The following TGFA variants were observed in gnomAD, a reference collection of about 807,000 sequenced individuals.
TGFA encodes the protein transforming growth factor alpha.
In TGFA, 12 loss-of-function variants were observed where a neutral mutation model predicts 21.7. That is an observed-to-expected ratio of 0.55 (90% CI 0.35 to 0.90). The LOEUF (loss-of-function observed/expected upper bound fraction) is 0.90. Ranked by LOEUF, TGFA falls within the 40% of genes least tolerant of loss-of-function variation. TGFA has a pLI of 0.01. For missense variants in TGFA, 178 were observed against 210.8 expected (o/e 0.84, Z 0.96); for synonymous variants, 79 against 88.1 (o/e 0.90, Z 0.58).
At chr2:70,528,277 T>C (rs1160294770) in intron 1 of TGFA, among the ~76,000 whole-genome samples, 1 of 152,228 alleles carries the variant, frequency 6.6e-6, no homozygotes, top group Non-Finnish European at 1.5e-5. Context: ...ACTACACCAA[T>C]ATCACATGTT....
chr2:70,472,106 TAG>T (rs1670769472), intron 2 of TGFA, among the ~76,000 whole-genome samples: 1 of 152,082 alleles, frequency 6.6e-6, no homozygotes, highest in Admixed American at 6.6e-5. Flanking sequence ...AGGAAAGGCC[TAG>T]AGACTTAAAA....
At chr2:70,516,864 C>T (rs1411918964) in intron 1 of TGFA, among the ~76,000 whole-genome samples, 1 of 136,848 alleles carries the variant, frequency 7.3e-6, no homozygotes, top group Non-Finnish European at 1.5e-5. Flanking sequence ...ACTTGCCTGT[C>T]ACAAACTGCC....
intron 2 of TGFA, among the ~76,000 whole-genome samples, chr2:70,501,272 T>C (rs1395558729): frequency 1.4e-5 from 2 of 147,954 alleles, no homozygotes; most frequent in Non-Finnish European, 1.5e-5. Context: ...TTTTTTTTTT[T>C]CTCCTCCAGG....
At chr2:70,465,158 T>C (rs1670515026) in intron 3 of TGFA, among the ~76,000 whole-genome samples, 1 of 152,214 alleles carries the variant, frequency 6.6e-6, no homozygotes, top group Admixed American at 6.5e-5. Context: ...TTATGTACAC[T>C]AGCCCTTCAC....
In TGFA at chr2:70,521,609, G is replaced by GTTTTTTTTTTTTTTTTTTTTTTT. The variant is rs797022948; in HGVS notation, c.41-6698_41-6697insAAAAAAAAAAAAAAAAAAAAAAA. On this transcript the variant is annotated intron_variant, in intron 1 of 5. Transcript: ENST00000295400. ...ACTATTGATAGTTTTTTTTGTTGTT[G>GTTTTTTTTTTTTTTTTTTTTTTT]TTTGTTTGTTTTTTTTTTTTTTTTT... Among the ~76,000 whole-genome samples, 38 of 78,872 alleles carry GTTTTTTTTTTTTTTTTTTTTTTT rather than the reference G, an allele frequency of 4.8e-4. 3 individuals are homozygous for GTTTTTTTTTTTTTTTTTTTTTTT. Among genetic ancestry groups the GTTTTTTTTTTTTTTTTTTTTTTT allele is most frequent in the South Asian group, 9.7e-4 (2 of 2,070 alleles). 51.7% of individuals were successfully genotyped at this position (78,872 alleles called of 152,430 possible).
intron 2 of TGFA, among the ~76,000 whole-genome samples, chr2:70,512,365 C>A (rs577624776): frequency 6.6e-6 from 1 of 152,262 alleles, no homozygotes; most frequent in African/African-American, 2.4e-5. Context: ...GCAGCCACCT[C>A]CCTCCTCTGC....
intron 1 of TGFA, among the ~76,000 whole-genome samples, chr2:70,540,003 C>G (rs1673090728): frequency 6.6e-6 from 1 of 152,148 alleles, no homozygotes; most frequent in Non-Finnish European, 1.5e-5. Flanking sequence ...TGCCTCATGA[C>G]CCGGCCCAAT....
In TGFA at chr2:70,465,865, A is replaced by C. The variant is rs1670542748; in HGVS notation, c.95-129T>G. ...GACTTTGGGTTCTCACCTGGGGCACACCCTCCTCAGCTCTCACTTACTTTC... is the reference window on the plus strand; with the variant it reads ...GACTTTGGGTTCTCACCTGGGGCACCCCCTCCTCAGCTCTCACTTACTTTC... On this transcript the variant is annotated intron_variant, in intron 2 of 5. Coordinates refer to ENST00000295400, the MANE Select transcript of TGFA (RefSeq NM_003236.4). 3 of 1,329,656 alleles carry C rather than the reference A, an allele frequency of 2.3e-6. No homozygotes were observed. The Admixed American group carries it at 6.9e-5, about 31-fold the overall frequency. The allele number at this position is 1,329,656 out of a possible 1,614,324, so 82.4% of individuals were successfully genotyped here. A position where few individuals can be genotyped will look rare whatever the true frequency, so the allele number is the denominator to read the frequency against.
rs948329720 is a variant in TGFA, at chr2:70,483,192, A to G, written c.95-17456T>C. Among the ~76,000 whole-genome samples, 38 of 152,226 alleles carry G rather than the reference A, an allele frequency of 2.5e-4. 1 individual carries two copies. Among genetic ancestry groups the G allele is most frequent in the Admixed American group, 2.1e-3 (32 of 15,284 alleles). On this transcript the variant is annotated intron_variant, in intron 2 of 5. Coordinates refer to ENST00000295400, the MANE Select transcript of TGFA (RefSeq NM_003236.4). Reference sequence around the variant, plus strand: ...GCATTTCCCTCATCAGTCTTACAACACTAAAAAAGAAGTAAAGTTAATCTG... The same window carrying G: ...GCATTTCCCTCATCAGTCTTACAACGCTAAAAAAGAAGTAAAGTTAATCTG...
At chr2:70,466,838 A>G (rs543953347) in intron 2 of TGFA, among the ~76,000 whole-genome samples, 17 of 152,316 alleles carry the variant, frequency 1.1e-4, no homozygotes, top group African/African-American at 3.8e-4. Context: ...TACACCATGG[A>G]ATACTATGCA....
intron 1 of TGFA, among the ~76,000 whole-genome samples, chr2:70,521,830 G>T (rs568431269): frequency 6.6e-6 from 1 of 152,054 alleles, no homozygotes; most frequent in East Asian, 1.9e-4. Context: ...GGCCAGGCTG[G>T]TCTTGAACTC....
intron 1 of TGFA, among the ~76,000 whole-genome samples, chr2:70,518,595 C>T (rs1672357589): frequency 6.6e-6 from 1 of 152,208 alleles, no homozygotes; most frequent in Non-Finnish European, 1.5e-5. Flanking sequence ...GGACACCCCT[C>T]TCCCCTGGGC....
chr2:70,451,545 A>T (rs1306451334), intron 5 of TGFA, among the ~76,000 whole-genome samples: 2 of 152,162 alleles, frequency 1.3e-5, no homozygotes, highest in Non-Finnish European at 2.9e-5. Context: ...GGCCAGACCC[A>T]TCCCCAGGCT....
At chr2:70,479,827 T>C (rs920630970) in intron 2 of TGFA, among the ~76,000 whole-genome samples, 20 of 152,242 alleles carry the variant, frequency 1.3e-4, no homozygotes, top group African/African-American at 4.8e-4. Context: ...ATAGATGCAG[T>C]GTCAGCTTCA....
Position 70,448,485 on chromosome 2 carries a change from A to G in TGFA, c.*2374T>C, listed in dbSNP as rs1276942048. On this transcript the variant is annotated 3_prime_UTR_variant, in exon 6 of 6. Transcript: ENST00000295400. ...GGGCAAGGAAACACAGGGAGCTTGCAGAGATGGATTAGAAGATGCATTTTT... is the reference window on the plus strand; with the variant it reads ...GGGCAAGGAAACACAGGGAGCTTGCGGAGATGGATTAGAAGATGCATTTTT... 1.3e-5 allele frequency: 2 copies of G among 152,226 alleles called. No homozygotes were observed. Among genetic ancestry groups the G allele is most frequent in the East Asian group, 3.8e-4 (2 of 5,196 alleles). 9.4% of individuals were successfully genotyped at this position (152,226 alleles called of 1,614,324 possible). A position where few individuals can be genotyped will look rare whatever the true frequency, so the allele number is the denominator to read the frequency against.
At position 70,514,722 on chromosome 2, in the gene TGFA, A is replaced by G. The variant is rs1672214175; in HGVS notation, c.94+137T>C. On this transcript the variant is annotated intron_variant, in intron 2 of 5. Transcript: ENST00000295400. ...AGTGAGCGCCTCCTCGCCCCTGAGG[A>G]GGGGGCAGAGAGGACTCCGGGACAG... 6.6e-6 allele frequency: 6 copies of G among 906,230 alleles called. No individual in the cohort carries two copies. In the Admixed American group the frequency reaches 1.2e-4, roughly 18 times the overall value. 56.1% of individuals were successfully genotyped at this position (906,230 alleles called of 1,614,324 possible). A position where few individuals can be genotyped will look rare whatever the true frequency, so the allele number is the denominator to read the frequency against.
chr2:70,470,211 G>T (rs949743862), intron 2 of TGFA, among the ~76,000 whole-genome samples: 7 of 152,072 alleles, frequency 4.6e-5, no homozygotes, highest in African/African-American at 1.7e-4. Context: ...AAACAGACAG[G>T]CGGGCAGTGA....
intron 2 of TGFA, among the ~76,000 whole-genome samples, chr2:70,472,464 G>A (rs1304603391): frequency 2.0e-5 from 3 of 152,204 alleles, no homozygotes; most frequent in African/African-American, 7.2e-5. Context: ...AGCTGTGAAA[G>A]CTTTGCCTAG....
At chr2:70,539,084 G>C (rs1559142507) in intron 1 of TGFA, among the ~76,000 whole-genome samples, 4 of 152,172 alleles carry the variant, frequency 2.6e-5, no homozygotes, top group Non-Finnish European at 5.9e-5. Flanking sequence ...ATAATTGTTA[G>C]CATTTTAAAC....
Sources: gnomAD v4.1 joint callset for allele counts (sites outside exome capture counted in the v4.1 genomes callset) on GRCh38, gnomAD v4.1.1 for gene constraint, MANE v1.5 for transcripts, NCBI Gene and HGNC (gene_info 2026-07-23, HGNC 2026-07-21) for gene names.